Variants in C12orf54 observed in about 807,000 individuals in gnomAD.
C12orf54 encodes uncharacterized protein C12orf54.
C12orf54 carries 24 observed loss-of-function variants against 26.4 expected under a neutral mutation model. The observed-to-expected ratio is 0.91, with a 90% CI of 0.66 to 1.28. The LOEUF is 1.28. C12orf54 is among the 50% of genes most tolerant of loss of function. The pLI, the probability that C12orf54 is intolerant of heterozygous loss-of-function variation, is 0.00. For missense variants in C12orf54, 154 were observed against 150.9 expected (o/e 1.02, Z -0.11); for synonymous variants, 54 against 47.0 (o/e 1.15, Z -0.61).
the C12orf54 span, among the ~76,000 whole-genome samples, chr12:48,449,553 AT>A: frequency 6.6e-6 from 1 of 152,138 alleles, no homozygotes; most frequent in Non-Finnish European, 1.5e-5. Context: ...TTTAGTCCTC[AT>A]TTCTAAAATG....
the C12orf54 span, among the ~76,000 whole-genome samples, chr12:48,446,151 A>G: frequency 6.6e-6 from 1 of 152,196 alleles, no homozygotes; most frequent in Non-Finnish European, 1.5e-5. Flanking sequence ...TGAACTTGGG[A>G]GAAATTCACA....
At chr12:48,437,458 T>C in the C12orf54 span, among the ~76,000 whole-genome samples, 1 of 152,014 alleles carries the variant, frequency 6.6e-6, no homozygotes, top group Admixed American at 6.6e-5. Flanking sequence ...AAAAAGAAAA[T>C]TTTAGACCAA....
chr12:48,455,740 G>T, the C12orf54 span, among the ~76,000 whole-genome samples: 1 of 152,164 alleles, frequency 6.6e-6, no homozygotes, highest in African/African-American at 2.4e-5. Context: ...GATACCCCCT[G>T]CACTGTGTAA....
intron 5 of C12orf54, 60 bp from the exon 6 acceptor site, chr12:48,490,752 G>A (rs2731102): frequency 6.3e-7 from 1 of 1,588,530 alleles, no homozygotes; most frequent in East Asian, 2.2e-5. Context: ...AGCTAATACA[G>A]TGCAGGTCTG....
chr12:48,478,608 A>G (rs1186632345), upstream of C12orf54, among the ~76,000 whole-genome samples: 2 of 152,038 alleles, frequency 1.3e-5, no homozygotes, highest in African/African-American at 4.8e-5. Flanking sequence ...CCAATAACAG[A>G]CAAACAGAGA....
the C12orf54 span, among the ~76,000 whole-genome samples, chr12:48,440,478 G>T: frequency 1.3e-5 from 2 of 152,180 alleles, no homozygotes; most frequent in African/African-American, 4.8e-5. Context: ...AAGGGTCTTT[G>T]TTAAATGTTT....
In C12orf54 at chr12:48,486,671, G is replaced by A. The variant is rs1937649615; in HGVS notation, c.97-17G>A. On this transcript the variant is annotated splice_polypyrimidine_tract_variant and intron_variant, in intron 3 of 8. Coordinates refer to ENST00000548364, the MANE Select transcript of C12orf54 (RefSeq NM_152319.4). ...AGTTGGGATATTGTTTCCAACATTT[G>A]TTCCTTATTTCTACAGGAAAAACAG... 6.2e-7 allele frequency: 1 copy of A among 1,608,306 alleles called. No homozygotes were observed. The highest frequency in any genetic ancestry group is 1.7e-5 in the Admixed American group (1 of 59,980).
the C12orf54 span, among the ~76,000 whole-genome samples, chr12:48,417,540 T>A: frequency 1.3e-5 from 2 of 152,330 alleles, no homozygotes; most frequent in East Asian, 3.9e-4. Context: ...TCAACCTTAG[T>A]CCAGTCTGAT....
chr12:48,453,131 C>T, the C12orf54 span, among the ~76,000 whole-genome samples: 4 of 152,054 alleles, frequency 2.6e-5, no homozygotes, highest in African/African-American at 4.8e-5. Context: ...AAATGTGGTA[C>T]ATACATGATG....
chr12:48,486,040 G>C, intron 2 of C12orf54, 138 bp from the exon 3 acceptor site: 1 of 743,966 alleles, frequency 1.3e-6, no homozygotes, highest in Non-Finnish European at 2.3e-6. Flanking sequence ...ATGAGAGGCA[G>C]GACCGTGGCT....
the C12orf54 span, among the ~76,000 whole-genome samples, chr12:48,473,865 G>A: frequency 1.9e-3 from 287 of 152,294 alleles, 1 homozygote; most frequent in African/African-American, 6.2e-3. Context: ...CATGCTTTTC[G>A]CGGAACTGCT....
the C12orf54 span, among the ~76,000 whole-genome samples, chr12:48,461,951 G>A: frequency 1.3e-4 from 20 of 151,610 alleles, no homozygotes; most frequent in Non-Finnish European, 2.5e-4. Context: ...CCTTTGAGAT[G>A]AATAAAACTG....
At chr12:48,422,167 A>G in the C12orf54 span, among the ~76,000 whole-genome samples, 2 of 152,326 alleles carry the variant, frequency 1.3e-5, no homozygotes, top group South Asian at 4.1e-4. Context: ...TCTAATGAAT[A>G]TCCTTGCACT....
At chr12:48,483,763 G>A (rs933867747) in intron 2 of C12orf54, among the ~76,000 whole-genome samples, 1 of 152,226 alleles carries the variant, frequency 6.6e-6, no homozygotes, top group Non-Finnish European at 1.5e-5. Flanking sequence ...CTAAATATGA[G>A]ACCCAGGTGA....
At chr12:48,451,606 C>T in the C12orf54 span, among the ~76,000 whole-genome samples, 2 of 152,156 alleles carry the variant, frequency 1.3e-5, no homozygotes, top group East Asian at 1.9e-4. Flanking sequence ...CATCTCAGCC[C>T]AAAAGCTTCT....
chr12:48,483,587 C>T (rs1025911948), intron 2 of C12orf54: 15 of 491,390 alleles, frequency 3.1e-5, no homozygotes, highest in Middle Eastern at 1.1e-3. Context: ...AATTGCAATT[C>T]CTCTAGGGGT....
intron 4 of C12orf54, among the ~76,000 whole-genome samples, chr12:48,487,419 A>G (rs1181427990): frequency 6.6e-6 from 1 of 152,232 alleles, no homozygotes; most frequent in Non-Finnish European, 1.5e-5. Flanking sequence ...CCCACTGTAC[A>G]ATATTATTTA....
At chr12:48,439,355 C>T in the C12orf54 span, among the ~76,000 whole-genome samples, 309 of 152,256 alleles carry the variant, frequency 2.0e-3, no homozygotes, top group African/African-American at 6.8e-3. Context: ...CCTCAGGGAT[C>T]TAGAACTAGA....
At chr12:48,482,020 C>T (rs888779426), upstream of C12orf54, among the ~76,000 whole-genome samples, 51 of 152,192 alleles carry the variant, frequency 3.4e-4, no homozygotes, top group African/African-American at 1.2e-3. Context: ...TCACTTCCTG[C>T]CTCCGTATTA....
Sources: gnomAD v4.1 joint callset for allele counts (sites outside exome capture counted in the v4.1 genomes callset) on GRCh38, gnomAD v4.1.1 for gene constraint, MANE v1.5 for transcripts, NCBI Gene and HGNC (gene_info 2026-07-23, HGNC 2026-07-21) for gene names.